Variants in ITGAV observed in about 807,000 individuals in gnomAD.
ITGAV encodes the protein integrin subunit alpha V.
A neutral mutation model predicts 143.8 loss-of-function variants in ITGAV; 76 were observed. The ratio of observed to expected loss-of-function variants is 0.53; its 90% confidence interval spans 0.44 to 0.64. The LOEUF (loss-of-function observed/expected upper bound fraction) is 0.64, where lower values mean the gene tolerates loss of function less well. ITGAV is among the 30% of genes least tolerant of loss of function. ITGAV has a pLI of 0.00. For synonymous variants in ITGAV, 453 were observed against 446.7 expected (o/e 1.01, Z -0.18); for missense variants, 1,193 against 1,274.7 (o/e 0.94, Z 0.98).
At position 186,669,740 on chromosome 2, in the gene ITGAV, G is replaced by GC; in HGVS notation, c.2634dup (p.Gly879ArgfsTer4). 1 of 1,614,122 alleles carries GC rather than the reference G, an allele frequency of 6.2e-7. No individual in the cohort carries two copies. Among genetic ancestry groups the GC allele is most frequent in the Non-Finnish European group, 8.5e-7 (1 of 1,180,010 alleles). On this transcript the variant is annotated frameshift_variant, in exon 26 of 30. Coordinates refer to ENST00000261023, the MANE Select transcript of ITGAV (RefSeq NM_002210.5). LOFTEE classifies it high-confidence loss of function. ...AACAACTGAAAAGAATGACACGGTT[G>GC]CCGGGCAAGGTGAGCGGGACCATCT... is the stretch of plus-strand genomic sequence containing the variant.
chr2:186,595,163 T>C (rs1476459759), intron 1 of ITGAV, among the ~76,000 whole-genome samples: 2 of 152,252 alleles, frequency 1.3e-5, no homozygotes, highest in Non-Finnish European at 2.9e-5. Context: ...TCTATATACA[T>C]GTATGATAGT....
chr2:186,590,333 T>G lies in ITGAV; in HGVS notation c.-6T>G. 2 of 1,572,964 alleles carry G rather than the reference T, an allele frequency of 1.3e-6. No individual in the cohort carries two copies. The highest frequency in any genetic ancestry group is 2.5e-5 in the East Asian group (1 of 39,776). ...CCCGGCTTGGCGTCCCGCGCGCACT[T>G]CGGCGATGGCTTTTCCGCCGCGGCG... On this transcript the variant is annotated 5_prime_UTR_variant, in exon 1 of 30. Coordinates refer to ENST00000261023, the MANE Select transcript of ITGAV (RefSeq NM_002210.5).
intron 26 of ITGAV, among the ~76,000 whole-genome samples, chr2:186,670,454 C>T (rs560205511): frequency 6.6e-6 from 1 of 152,208 alleles, no homozygotes; most frequent in South Asian, 2.1e-4. Flanking sequence ...GCGCTCTCCC[C>T]CATGCCCAGC....
At chr2:186,647,238 A>ATT (rs71017334) in intron 13 of ITGAV, among the ~76,000 whole-genome samples, 2,026 of 146,314 alleles carry the variant, frequency 0.014, 23 homozygotes, top group African/African-American at 0.029. Context: ...AATAGTTGTG[A>ATT]TTTTTTTTTT....
At chr2:186,653,026 A>G (rs1354878314) in intron 15 of ITGAV, among the ~76,000 whole-genome samples, 1 of 146,356 alleles carries the variant, frequency 6.8e-6, no homozygotes, top group Non-Finnish European at 1.5e-5. Flanking sequence ...GCTCACTGCA[A>G]GCTCCGCTTC....
intron 2 of ITGAV, among the ~76,000 whole-genome samples, chr2:186,604,014 G>A (rs1686987751): frequency 6.6e-6 from 1 of 151,804 alleles, no homozygotes; most frequent in Admixed American, 6.6e-5. Context: ...ACAGAGGTGT[G>A]CCACCAGCCC....
chr2:186,665,445 C>A (rs1688863407), intron 21 of ITGAV, among the ~76,000 whole-genome samples: 1 of 152,194 alleles, frequency 6.6e-6, no homozygotes, highest in Non-Finnish European at 1.5e-5. Flanking sequence ...TTTATGCCTC[C>A]TTCACTTTAG....
chr2:186,647,956 T>C (rs1316817383), intron 13 of ITGAV, among the ~76,000 whole-genome samples: 2 of 152,236 alleles, frequency 1.3e-5, no homozygotes. Context: ...TTATAGAACT[T>C]TTAGAAAATA....
chr2:186,649,678 C>T (rs1415780372), intron 13 of ITGAV, among the ~76,000 whole-genome samples, 162 bp from the exon 14 acceptor site: 1 of 152,130 alleles, frequency 6.6e-6, no homozygotes, highest in Non-Finnish European at 1.5e-5. Context: ...AGTTTGTTTA[C>T]AGTTTTCATA....
In ITGAV at chr2:186,678,167, T is replaced by C. The variant is rs1329187640; in HGVS notation, c.*875T>C. The C allele has an allele frequency of 6.6e-6, 1 of 151,958 alleles. No individual in the cohort carries two copies. The highest frequency in any genetic ancestry group is 1.5e-5 in the Non-Finnish European group (1 of 67,904). 9.4% of individuals were successfully genotyped at this position (151,958 alleles called of 1,614,324 possible). ...TTACAGTATAAAAAAAGCATTTTTA[T>C]TAAAATACTGTGTAGTTCTTTGAGA... On this transcript the variant is annotated 3_prime_UTR_variant, in exon 30 of 30. Coordinates refer to ENST00000261023, the MANE Select transcript of ITGAV (RefSeq NM_002210.5).
rs556269397 is a variant in ITGAV at position 186,648,821 on chromosome 2, T to C, written c.1352-1019T>C. Among the ~76,000 whole-genome samples, 4 of 152,032 alleles carry C rather than the reference T, an allele frequency of 2.6e-5. No homozygotes were observed. In the East Asian group the frequency reaches 5.8e-4, roughly 22 times the overall value. ...AGGTTGATTCTTAACTATACATAAATAAAAATGATTATTTTTACTAATAAT... is the reference window on the plus strand; with the variant it reads ...AGGTTGATTCTTAACTATACATAAACAAAAATGATTATTTTTACTAATAAT... On this transcript the variant is annotated intron_variant, in intron 13 of 29. Transcript: ENST00000261023.
chr2:186,632,976 A>G (rs896444142), intron 5 of ITGAV, among the ~76,000 whole-genome samples: 5 of 145,314 alleles, frequency 3.4e-5, no homozygotes, highest in Non-Finnish European at 7.5e-5. Context: ...TTGCTTTAAT[A>G]TATACTAGAT....
At chr2:186,651,481 A>C (rs1265772521) in intron 14 of ITGAV, among the ~76,000 whole-genome samples, 1 of 152,198 alleles carries the variant, frequency 6.6e-6, no homozygotes, top group Non-Finnish European at 1.5e-5. Context: ...ACCAGCTAAT[A>C]ATTTATTTGT....
chr2:186,668,617 G>T (rs1402304293), intron 24 of ITGAV, 145 bp from the exon 25 acceptor site: 9 of 653,312 alleles, frequency 1.4e-5, no homozygotes, highest in Non-Finnish European at 2.4e-5. Flanking sequence ...GCATAAAAAT[G>T]GTCACATTGT....
chr2:186,668,216 ATTTTTTTTTTT>A (rs1186490756), intron 24 of ITGAV, among the ~76,000 whole-genome samples: 1 of 4,192 alleles, frequency 2.4e-4, no homozygotes, highest in Non-Finnish European at 4.8e-4. Context: ...ATATATATAT[ATTTTTTTTTTT>A]TTTTTTTTTT....
intron 17 of ITGAV, among the ~76,000 whole-genome samples, chr2:186,657,085 T>C (rs570010340): frequency 1.3e-5 from 2 of 151,222 alleles, no homozygotes; most frequent in South Asian, 4.2e-4. Flanking sequence ...GAGCACAAAT[T>C]TGTATAAAAT....
chr2:186,618,078 G>A (rs1344220458), intron 2 of ITGAV, among the ~76,000 whole-genome samples: 1 of 152,214 alleles, frequency 6.6e-6, no homozygotes, highest in Non-Finnish European at 1.5e-5. Flanking sequence ...TTGTCAGTTT[G>A]TCTGGAGAGC....
In ITGAV at chr2:186,679,131, G is replaced by T. The variant is rs1038154556; in HGVS notation, c.*1839G>T. 1 of 153,006 alleles carries T rather than the reference G, an allele frequency of 6.5e-6. No individual in the cohort carries two copies. Among genetic ancestry groups the T allele is most frequent in the African/African-American group, 2.4e-5 (1 of 41,366 alleles). 9.5% of individuals were successfully genotyped at this position (153,006 alleles called of 1,614,324 possible). On this transcript the variant is annotated 3_prime_UTR_variant, in exon 30 of 30. Transcript: ENST00000261023. The stretch of plus-strand genomic sequence containing the variant: ...TTTTAAGAAAAATATTTTTATCCTA[G>T]GGCCAAGTGTTGCCTGCCACCAATC...
At chr2:186,676,994 G>T (rs1026823905) in intron 29 of ITGAV, 59 bp downstream of exon 29, 4 of 1,540,914 alleles carry the variant, frequency 2.6e-6, no homozygotes, top group Non-Finnish European at 2.7e-6. Context: ...GGAAAGGGAA[G>T]AAGGAAAAGA....
Sources: gnomAD v4.1 joint callset for allele counts (sites outside exome capture counted in the v4.1 genomes callset) on GRCh38, gnomAD v4.1.1 for gene constraint, MANE v1.5 for transcripts, NCBI Gene and HGNC (gene_info 2026-07-23, HGNC 2026-07-21) for gene names.